The following OTOGL variants were observed in gnomAD, a reference collection of about 807,000 sequenced individuals.
The protein encoded by OTOGL is otogelin like.
Under a neutral mutation model 318.5 loss-of-function variants are expected in OTOGL, and 285 were observed. The observed-to-expected ratio is 0.89, with a 90% confidence interval of 0.81 to 0.99. The LOEUF (loss-of-function observed/expected upper bound fraction) is 0.99, where lower values mean the gene tolerates loss of function less well. Among genes scored for constraint, OTOGL ranks in the 50% least tolerant of loss-of-function variants. The pLI, the probability that OTOGL is intolerant of heterozygous loss-of-function variation, is 0.00. For synonymous variants in OTOGL, 987 were observed against 936.5 expected, an observed-to-expected ratio of 1.05 and a Z score of -0.99; for missense variants, 2,899 against 2,845.6, an observed-to-expected ratio of 1.02 and a Z score of -0.43.
chr12:80,320,269 T>C (rs1048899965), intron 33 of OTOGL, among the ~76,000 whole-genome samples, 153 bp from the exon 34 acceptor site: 28 of 152,044 alleles, frequency 1.8e-4, no homozygotes, highest in Non-Finnish European at 5.9e-5. Context: ...CTTTCAAGCA[T>C]CTCCTAGTTT....
chr12:80,305,160 A>C (rs1436097373), intron 28 of OTOGL, among the ~76,000 whole-genome samples: 3 of 152,172 alleles, frequency 2.0e-5, no homozygotes, highest in Non-Finnish European at 2.9e-5. Flanking sequence ...CCTTGTTTCT[A>C]ACAAGGATGG....
intron 1 of OTOGL, among the ~76,000 whole-genome samples, chr12:80,170,595 G>A (rs536306919): frequency 2.6e-5 from 4 of 151,826 alleles, no homozygotes; most frequent in Non-Finnish European, 4.4e-5. Flanking sequence ...CACCATGCCC[G>A]TATAATTTTT....
At chr12:80,142,518 G>A (rs1329883462) in intron 1 of OTOGL, among the ~76,000 whole-genome samples, 1 of 152,146 alleles carries the variant, frequency 6.6e-6, no homozygotes, top group Non-Finnish European at 1.5e-5. Flanking sequence ...GTTAAATTCT[G>A]TTGTTTAATG....
At chr12:80,260,711 A>C (rs1435063785) in intron 18 of OTOGL, among the ~76,000 whole-genome samples, 1 of 152,168 alleles carries the variant, frequency 6.6e-6, no homozygotes, top group Non-Finnish European at 1.5e-5. Flanking sequence ...AAAGACAATA[A>C]ATAAGTCCAC....
rs988244634 is a variant in OTOGL at position 80,372,047 on chromosome 12, A to C, written c.6764A>C (p.Glu2255Ala). The C allele has an allele frequency of 6.4e-7, 1 of 1,556,306 alleles. No homozygotes were observed. Among genetic ancestry groups the C allele is most frequent in the African/African-American group, 1.4e-5 (1 of 72,848 alleles). Residue 2255 changes from glutamate to alanine, a missense_variant, in exon 57 of 59, where the codon GAA becomes GCA. Around this residue, in one of 3 missense-constraint regions of OTOGL, gnomAD observed 289 missense variants for 304.6 expected, o/e 0.95. Transcript: ENST00000547103. Reference sequence around the variant, plus strand: ...GAAGGGATTGTGAAGCTTTATAATGAAGGCTGTTGCAAGATCTGTAAGTGA... The same window carrying C: ...GAAGGGATTGTGAAGCTTTATAATGCAGGCTGTTGCAAGATCTGTAAGTGA... ...MNEGIVKLYN[E>A]GCCKICKREE...
chr12:80,281,936 T>C (rs1313168105), intron 26 of OTOGL, among the ~76,000 whole-genome samples: 3 of 151,900 alleles, frequency 2.0e-5, no homozygotes. Context: ...CATTAAACCA[T>C]AATTGGGTTA....
In OTOGL at chr12:80,236,821, T is replaced by C. The variant is rs534838929; in HGVS notation, c.818-2030T>C. Among the ~76,000 whole-genome samples, 8 of 149,038 alleles carry C rather than the reference T, an allele frequency of 5.4e-5. 1 individual carries two copies. Among genetic ancestry groups the C allele is most frequent in the Non-Finnish European group, 1.2e-4 (8 of 67,006 alleles). ...TCTTTTTTTCTTTTTCTTTTCTTTTTTTTTTTTGTTTGAGACAGGGTCTTT... is the reference window on the plus strand; with the variant it reads ...TCTTTTTTTCTTTTTCTTTTCTTTTCTTTTTTTGTTTGAGACAGGGTCTTT... On this transcript the variant is annotated intron_variant, in intron 9 of 58. Coordinates refer to ENST00000547103, the MANE Select transcript of OTOGL (RefSeq NM_001378609.3).
At chr12:80,294,535 A>G (rs149113151) in intron 26 of OTOGL, among the ~76,000 whole-genome samples, 339 of 152,290 alleles carry the variant, frequency 2.2e-3, no homozygotes, top group African/African-American at 7.8e-3. Context: ...CAATGCCATA[A>G]TCATCTTAAT....
intron 44 of OTOGL, among the ~76,000 whole-genome samples, chr12:80,349,236 G>A (rs1394305059): frequency 6.6e-6 from 1 of 152,036 alleles, no homozygotes; most frequent in East Asian, 1.9e-4. Context: ...ATTAGTATAT[G>A]GATTTTTAAA....
intron 17 of OTOGL, among the ~76,000 whole-genome samples, chr12:80,257,029 G>A (rs1169429258): frequency 6.6e-6 from 1 of 151,968 alleles, no homozygotes; most frequent in African/African-American, 2.4e-5. Flanking sequence ...GGATGAGAAG[G>A]GCTTATGTAG....
chr12:80,371,578 A>T (rs1890877579), intron 56 of OTOGL, among the ~76,000 whole-genome samples: 1 of 152,136 alleles, frequency 6.6e-6, no homozygotes, highest in African/African-American at 2.4e-5. Context: ...CAAGGAAGGA[A>T]ATATTTTTTC....
intron 34 of OTOGL, among the ~76,000 whole-genome samples, chr12:80,323,065 G>T (rs1246556270): frequency 1.4e-5 from 2 of 146,846 alleles, no homozygotes; most frequent in Admixed American, 1.4e-4. Context: ...CAAGTGTTTG[G>T]TATTATGATG....
At chr12:80,250,001 CA>C (rs1208950785) in intron 11 of OTOGL, among the ~76,000 whole-genome samples, 1 of 152,088 alleles carries the variant, frequency 6.6e-6, no homozygotes, top group Non-Finnish European at 1.5e-5. Flanking sequence ...CCAGGTGAGG[CA>C]ATGCCTCGCC....
intron 33 of OTOGL, among the ~76,000 whole-genome samples, chr12:80,319,209 T>C (rs1299256837): frequency 6.6e-6 from 1 of 152,172 alleles, no homozygotes; most frequent in Middle Eastern, 3.2e-3. Flanking sequence ...CTCAGTGCCC[T>C]GAACCTAGCT....
At position 80,356,478 on chromosome 12, in the gene OTOGL, G is replaced by C; in HGVS notation, c.5869G>C (p.Val1957Leu). 1.2e-6 allele frequency: 2 copies of C among 1,612,166 alleles called. No individual in the cohort carries two copies. Among genetic ancestry groups the C allele is most frequent in the African/African-American group, 1.3e-5 (1 of 74,956 alleles). Residue 1957 changes from valine (V) to leucine (L), a missense_variant, in exon 48 of 59, where the codon GTT (valine) becomes CTT (leucine). By Grantham distance (32) the Val-to-Leu change is conservative (BLOSUM62 1). Transcript: ENST00000547103. ...PTCTNSQKLI[V>L]GHSPLSCCPQ... ...ATGTACAAATAGTCAAAAATTGATT[G>C]TTGGCCACAGTCCTCTTTCTTGCTG...
At chr12:80,342,240 C>A in intron 44 of OTOGL, 78 bp downstream of exon 44, 1 of 1,128,186 alleles carries the variant, frequency 8.9e-7, no homozygotes, top group Non-Finnish European at 1.3e-6. Flanking sequence ...ACTGTTCTTG[C>A]TATAATGTTC....
intron 1 of OTOGL, among the ~76,000 whole-genome samples, chr12:80,173,138 T>C (rs962087004): frequency 6.6e-6 from 1 of 151,528 alleles, no homozygotes. Flanking sequence ...CTGATTAAGC[T>C]CCTATCAATA....
chr12:80,293,022 C>T (rs1885150089), intron 26 of OTOGL, among the ~76,000 whole-genome samples: 1 of 152,018 alleles, frequency 6.6e-6, no homozygotes, highest in Admixed American at 6.6e-5. Context: ...CTTGATATTG[C>T]AAAATAAGAG....
intron 1 of OTOGL, among the ~76,000 whole-genome samples, chr12:80,117,041 G>A (rs550723859): frequency 3.6e-4 from 55 of 152,278 alleles, no homozygotes; most frequent in Non-Finnish European, 3.4e-4. Context: ...CATGAAGTCT[G>A]TGCTGTTGGG....
Sources: gnomAD v4.1 joint callset for allele counts (sites outside exome capture counted in the v4.1 genomes callset) on GRCh38, gnomAD v4.1.1 for gene constraint, gnomAD v4.1.1 regional missense constraint, MANE v1.5 for transcripts, NCBI Gene and HGNC (gene_info 2026-07-23, HGNC 2026-07-21) for gene names.